RBFOX1: variants seen among roughly 807,000 people sequenced by gnomAD.
The protein encoded by RBFOX1 is RNA binding fox-1 homolog 1, also known as RNA binding protein fox-1 homolog 1.
A neutral mutation model predicts 57.7 loss-of-function variants in RBFOX1; 8 were observed. That is an observed-to-expected ratio of 0.14 (90% confidence interval 0.08 to 0.25). The LOEUF is 0.25. Ranked by LOEUF, RBFOX1 falls within the 10% of genes least tolerant of loss-of-function variation. The pLI, the probability that RBFOX1 is intolerant of heterozygous loss-of-function variation, is 1.00. For synonymous variants in RBFOX1, 326 were observed against 222.4 expected (o/e 1.47, Z -4.15); for missense variants, 611 against 548.5 (o/e 1.11, Z -1.14).
chr16:6,526,347 T>A (rs2096577443), intron 2 of RBFOX1, among the ~76,000 whole-genome samples: 2 of 152,104 alleles, frequency 1.3e-5, no homozygotes, highest in Admixed American at 1.3e-4. Flanking sequence ...ACCAAGCACA[T>A]CCAGTTATGT....
At chr16:6,912,792 T>G (rs576500714) in intron 3 of RBFOX1, among the ~76,000 whole-genome samples, 7 of 152,128 alleles carry the variant, frequency 4.6e-5, no homozygotes, top group Non-Finnish European at 8.8e-5. Flanking sequence ...CGCCTAATTT[T>G]TTTTTTTAAG....
At chr16:7,118,584 A>C (rs558979262) in intron 4 of RBFOX1, among the ~76,000 whole-genome samples, 2 of 152,286 alleles carry the variant, frequency 1.3e-5, no homozygotes, top group Admixed American at 1.3e-4. Flanking sequence ...CTGAAATTAA[A>C]ATAAACCTTA....
chr16:6,785,719 A>T (rs746065816), intron 3 of RBFOX1, among the ~76,000 whole-genome samples: 3 of 152,242 alleles, frequency 2.0e-5, no homozygotes, highest in Non-Finnish European at 4.4e-5. Context: ...GTTTAATATC[A>T]TATGAATATG....
intron 1 of RBFOX1, among the ~76,000 whole-genome samples, chr16:6,165,390 G>C (rs2096909768): frequency 1.3e-5 from 2 of 152,106 alleles, no homozygotes; most frequent in Admixed American, 6.6e-5. Flanking sequence ...TATCCACGTG[G>C]CATGAGTTAC....
intron 3 of RBFOX1, among the ~76,000 whole-genome samples, chr16:6,904,599 TAAAAAAAAAAAA>T (rs71147623): frequency 5.9e-4 from 38 of 64,006 alleles, no homozygotes; most frequent in African/African-American, 1.8e-3. Context: ...AGACTCTCTC[TAAAAAAAAAAAA>T]AAAAAAAAAA....
chr16:7,392,363 T>C (rs2098046132), intron 4 of RBFOX1, among the ~76,000 whole-genome samples: 1 of 152,136 alleles, frequency 6.6e-6, no homozygotes, highest in African/African-American at 2.4e-5. Context: ...AATGGCCTGT[T>C]TCCTCCACTC....
intron 1 of RBFOX1, among the ~76,000 whole-genome samples, chr16:5,363,098 A>G (rs947831004): frequency 8.6e-5 from 11 of 127,304 alleles, no homozygotes; most frequent in African/African-American, 3.1e-4. Context: ...CAGTGGTGTG[A>G]TCTCGGCTCA....
chr16:6,053,354 G>C (rs2095576349), intron 1 of RBFOX1, among the ~76,000 whole-genome samples: 1 of 152,218 alleles, frequency 6.6e-6, no homozygotes, highest in Non-Finnish European at 1.5e-5. Context: ...AACACAATTA[G>C]TGAGTGTCTG....
intron 3 of RBFOX1, among the ~76,000 whole-genome samples, chr16:6,913,446 A>G (rs1310316791): frequency 6.6e-6 from 1 of 152,078 alleles, no homozygotes; most frequent in Admixed American, 6.5e-5. Context: ...CATATCCCCC[A>G]CCAGACCCTG....
intron 2 of RBFOX1, among the ~76,000 whole-genome samples, chr16:6,602,836 C>A (rs1163084367): frequency 6.6e-6 from 1 of 152,078 alleles, no homozygotes; most frequent in Non-Finnish European, 1.5e-5. Context: ...GGAGCTCATG[C>A]CCCACACACC....
chr16:5,785,353 A>C (rs1441634030), intron 3 of RBFOX1, among the ~76,000 whole-genome samples: 1 of 152,042 alleles, frequency 6.6e-6, no homozygotes, highest in Non-Finnish European at 1.5e-5. Context: ...TCCAATTCTG[A>C]GCTTCTGCAT....
At chr16:6,861,422 T>C (rs940048787) in intron 3 of RBFOX1, among the ~76,000 whole-genome samples, 2 of 152,040 alleles carry the variant, frequency 1.3e-5, no homozygotes, top group African/African-American at 4.8e-5. Context: ...CTTTGATCAA[T>C]GTAAACTGCT....
chr16:7,366,791 A>C (rs1308638575), intron 4 of RBFOX1, among the ~76,000 whole-genome samples: 1 of 152,230 alleles, frequency 6.6e-6, no homozygotes, highest in Non-Finnish European at 1.5e-5. Context: ...TTAAAGATCA[A>C]AAATGGGATT....
At chr16:5,724,057 G>T (rs73522274) in intron 3 of RBFOX1, among the ~76,000 whole-genome samples, 16,030 of 152,172 alleles carry the variant, frequency 0.11, 2,779 homozygotes, top group African/African-American at 0.36. Context: ...GCATGTGCCT[G>T]CGTGCAGACT....
At chr16:7,026,606 T>G (rs2041025192) in intron 3 of RBFOX1, among the ~76,000 whole-genome samples, 1 of 151,990 alleles carries the variant, frequency 6.6e-6, no homozygotes, top group Non-Finnish European at 1.5e-5. Context: ...TGCACAGAGG[T>G]GCAGGGAAGG....
chr16:5,607,966 A>G (rs920211964), intron 3 of RBFOX1, among the ~76,000 whole-genome samples: 1 of 152,186 alleles, frequency 6.6e-6, no homozygotes, highest in Non-Finnish European at 1.5e-5. Context: ...GTTTGGGGCT[A>G]TGTGCACTCG....
At chr16:6,811,911 C>T (rs561895139) in intron 3 of RBFOX1, among the ~76,000 whole-genome samples, 1 of 151,980 alleles carries the variant, frequency 6.6e-6, no homozygotes, top group Non-Finnish European at 1.5e-5. Flanking sequence ...AAATAAAATA[C>T]AAAATATAAG....
intron 2 of RBFOX1, among the ~76,000 whole-genome samples, chr16:6,605,392 T>C (rs2097912299): frequency 6.6e-6 from 1 of 152,142 alleles, no homozygotes; most frequent in Admixed American, 6.5e-5. Context: ...AGTTTTGCTT[T>C]ATTGATTTAT....
In RBFOX1 at chr16:5,946,538, T is replaced by C. The variant is rs1486465388; in HGVS notation, c.351+79203T>C. Among the ~76,000 whole-genome samples the C allele has an allele frequency of 2.1e-5, 3 of 146,076 alleles. No individual in the cohort carries two copies. The highest frequency in any genetic ancestry group is 1.4e-4 in the Admixed American group (2 of 14,070). On this transcript the variant is annotated intron_variant, in intron 4 of 19. Coordinates refer to the RBFOX1 transcript ENST00000641259. This position sits in a 1 kb window ranked among gnomAD's most constrained non-coding sequence, Gnocchi z 4.6. ...TGGAAGTTCTACGCCCTTCCCCGTA[T>C]CTCACTCTATGCATATTTTTTTCCA...
Sources: gnomAD v4.1 joint callset for allele counts (sites outside exome capture counted in the v4.1 genomes callset) on GRCh38, gnomAD v4.1.1 for gene constraint, Gnocchi (gnomAD v3.1) non-coding constraint, MANE v1.5 for transcripts, NCBI Gene and HGNC (gene_info 2026-07-23, HGNC 2026-07-21) for gene names.